MRPL33: variants seen among roughly 807,000 people sequenced by gnomAD.
MRPL33 encodes large ribosomal subunit protein bL33m.
MRPL33 carries 5 observed loss-of-function variants against 10.1 expected under a neutral mutation model. The observed-to-expected ratio is 0.49, with a 90% CI of 0.26 to 1.04. MRPL33 has a LOEUF of 1.04. MRPL33 is among the 50% of genes least tolerant of loss of function. The probability of loss-of-function intolerance (pLI) is 0.14; values close to 1 mark genes in which losing one functional copy is unlikely to be tolerated. For synonymous variants in MRPL33, 24 were observed against 27.7 expected, an observed-to-expected ratio of 0.87 and a Z score of 0.42; for missense variants, 79 against 78.1, an observed-to-expected ratio of 1.01 and a Z score of -0.04.
chr2:27,772,728 G>GT (rs761394074), intron 2 of MRPL33, 36 bp downstream of exon 2: 121 of 1,552,406 alleles, frequency 7.8e-5, no homozygotes, highest in Non-Finnish European at 1.0e-4. Context: ...AACGTCACTT[G>GT]TTTATGTTGG....
chr2:27,779,733 A>C lies in MRPL33; in HGVS notation c.*251A>C. On this transcript the variant is annotated 3_prime_UTR_variant, in exon 4 of 4. Transcript: ENST00000296102. ...AGCCCTTAATAAAAAATATTAAAAT[A>C]GCCTGTGCTATTGTGTCTTAGTGAT... The C allele has an allele frequency of 1.8e-6, 1 of 563,148 alleles. No homozygotes were observed. Among genetic ancestry groups the C allele is most frequent in the Non-Finnish European group, 2.8e-6 (1 of 359,570 alleles). The allele number at this position is 563,148 out of a possible 1,614,324, so 34.9% of individuals were successfully genotyped here.
At chr2:27,774,203 T>C (rs989939519) in intron 2 of MRPL33, among the ~76,000 whole-genome samples, 2 of 152,212 alleles carry the variant, frequency 1.3e-5, no homozygotes, top group African/African-American at 4.8e-5. Context: ...GGTTAGGTCA[T>C]TGCGAAGTAA....
intron 3 of MRPL33, among the ~76,000 whole-genome samples, chr2:27,778,850 A>C (rs576435795): frequency 9.2e-5 from 14 of 152,316 alleles, no homozygotes; most frequent in African/African-American, 3.4e-4. Context: ...CACTGCGCCC[A>C]GCTAGCCTTC....
At chr2:27,771,960 G>C in intron 1 of MRPL33, 161 bp downstream of exon 1, 1 of 762,182 alleles carries the variant, frequency 1.3e-6, no homozygotes, top group Non-Finnish European at 2.1e-6. Flanking sequence ...GGCATGCCCC[G>C]CGGCGCGCCT....
At chr2:27,777,848 C>T (rs1324988686) in intron 3 of MRPL33, among the ~76,000 whole-genome samples, 2 of 152,110 alleles carry the variant, frequency 1.3e-5, no homozygotes, top group East Asian at 3.8e-4. Flanking sequence ...GAGACAACCC[C>T]CCTACCCCCC....
intron 3 of MRPL33, among the ~76,000 whole-genome samples, chr2:27,775,368 T>TC (rs1558528244): frequency 1.3e-5 from 2 of 150,502 alleles, no homozygotes; most frequent in East Asian, 3.9e-4. Context: ...TTTTTTTTTT[T>TC]TGAGATGGAG....
chr2:27,779,366 A>AT (rs1677232977), intron 3 of MRPL33, 67 bp from the exon 4 acceptor site: 3 of 1,518,864 alleles, frequency 2.0e-6, no homozygotes, highest in African/African-American at 1.4e-5. Context: ...TCTGATATGT[A>AT]TTTTTTATAA....
intron 3 of MRPL33, among the ~76,000 whole-genome samples, chr2:27,779,220 C>A (rs1443578341): frequency 6.6e-6 from 1 of 152,162 alleles, no homozygotes; most frequent in Non-Finnish European, 1.5e-5. Context: ...ACCAAGGATG[C>A]TGCTGATTAG....
At chr2:27,775,070 G>C (rs1331122139) in intron 3 of MRPL33, among the ~76,000 whole-genome samples, 2 of 152,166 alleles carry the variant, frequency 1.3e-5, no homozygotes, top group African/African-American at 4.8e-5. Flanking sequence ...TAGTGCAGTG[G>C]GGGTAGGAAA....
intron 3 of MRPL33, among the ~76,000 whole-genome samples, chr2:27,774,942 T>G (rs1190385100): frequency 2.0e-5 from 3 of 152,170 alleles, no homozygotes; most frequent in Non-Finnish European, 4.4e-5. Context: ...GGTGGTAGTG[T>G]TCTGGAAACA....
intron 3 of MRPL33, among the ~76,000 whole-genome samples, chr2:27,775,363 T>TG: frequency 6.7e-6 from 1 of 149,350 alleles, no homozygotes; most frequent in Middle Eastern, 3.4e-3. Context: ...TTTTTTTTTT[T>TG]TTTTTTGAGA....
chr2:27,772,175 TG>T, intron 1 of MRPL33: 1 of 294,858 alleles, frequency 3.4e-6, no homozygotes, highest in Non-Finnish European at 6.3e-6. Flanking sequence ...GGCAATGAAT[TG>T]CCTGAGTAAT....
Position 27,779,429 on chromosome 2 carries a change from A to G in MRPL33, c.149-4A>G. The G allele has an allele frequency of 2.5e-6, 4 of 1,594,690 alleles. No homozygotes were observed. The highest frequency in any genetic ancestry group is 3.4e-6 in the Non-Finnish European group (4 of 1,175,112). ...TGCCACAATTTTTTTTTCTCCCTCC[A>G]TAGTGAAACAAAGAGTCCTCTTCGT... On this transcript the variant is annotated splice_polypyrimidine_tract_variant and splice_region_variant and intron_variant, in intron 3 of 3. Transcript: ENST00000296102.
chr2:27,772,025 T>A, intron 1 of MRPL33: 1 of 519,228 alleles, frequency 1.9e-6, no homozygotes, highest in South Asian at 2.7e-5. Flanking sequence ...TGGATTCAAT[T>A]GCCGTCCTCA....
intron 3 of MRPL33, among the ~76,000 whole-genome samples, chr2:27,775,687 G>A (rs571980485): frequency 6.6e-6 from 1 of 152,130 alleles, no homozygotes; most frequent in Non-Finnish European, 1.5e-5. Flanking sequence ...ATAATAACAT[G>A]AGCAGACATT....
intron 3 of MRPL33, among the ~76,000 whole-genome samples, chr2:27,778,519 T>C (rs891103990): frequency 6.6e-6 from 1 of 150,822 alleles, no homozygotes; most frequent in Non-Finnish European, 1.5e-5. Flanking sequence ...TATAGAAATA[T>C]GAAAGCCTTA....
intron 3 of MRPL33, among the ~76,000 whole-genome samples, chr2:27,777,371 CTTTTTTT>C (rs11337446): frequency 1.8e-4 from 22 of 125,604 alleles, no homozygotes; most frequent in African/African-American, 6.0e-4. Context: ...TAATCTAAAA[CTTTTTTT>C]TTTTTTTTTT....
At chr2:27,772,225 C>T (rs1677063598) in intron 1 of MRPL33, 1 of 249,742 alleles carries the variant, frequency 4.0e-6, no homozygotes, top group Non-Finnish European at 7.7e-6. Flanking sequence ...GCTCCCGAGT[C>T]AGTGCTCTTC....
At chr2:27,774,590 C>T in intron 3 of MRPL33, 60 bp downstream of exon 3, 1 of 1,339,208 alleles carries the variant, frequency 7.5e-7, no homozygotes, top group Non-Finnish European at 1.1e-6. Context: ...GGCTGAACAT[C>T]TGAACTCTCT....
Sources: allele counts gnomAD v4.1 joint callset (sites outside exome capture counted in the v4.1 genomes callset), GRCh38; gene constraint gnomAD v4.1.1; transcripts MANE v1.5; gene names NCBI Gene and HGNC (gene_info 2026-07-23, HGNC 2026-07-21).